The following AGBL4 variants were observed in gnomAD, a reference collection of about 807,000 sequenced individuals.
The protein encoded by AGBL4 is AGBL carboxypeptidase 4, also known as cytosolic carboxypeptidase 6.
In AGBL4, 58 loss-of-function variants were observed where a neutral mutation model predicts 66.4. The observed-to-expected ratio is 0.87, with a 90% CI of 0.71 to 1.09. The LOEUF (loss-of-function observed/expected upper bound fraction) is 1.09, where lower values mean the gene tolerates loss of function less well. Among genes scored for constraint, AGBL4 ranks in the 50% least tolerant of loss-of-function variants. The pLI is 0.00. For synonymous variants in AGBL4, 234 were observed against 222.9 expected (o/e 1.05, Z -0.44); for missense variants, 579 against 631.0 (o/e 0.92, Z 0.88).
chr1:49,645,088 A>G (rs1389321432), intron 3 of AGBL4, among the ~76,000 whole-genome samples: 2 of 151,590 alleles, frequency 1.3e-5, no homozygotes, highest in East Asian at 3.9e-4. Context: ...AACAGAAATA[A>G]AAAATAGAGA....
intron 3 of AGBL4, among the ~76,000 whole-genome samples, chr1:49,583,470 T>C (rs1294349121): frequency 6.6e-6 from 1 of 152,154 alleles, no homozygotes; most frequent in African/African-American, 2.4e-5. Context: ...AGGAGGGGTG[T>C]CATCAAAATT....
At chr1:48,979,516 A>C (rs1219443938) in intron 5 of AGBL4, among the ~76,000 whole-genome samples, 3 of 152,180 alleles carry the variant, frequency 2.0e-5, no homozygotes, top group African/African-American at 7.2e-5. Flanking sequence ...GTGATAAGCG[A>C]TAAGGTATAA....
At chr1:48,711,873 G>A (rs320056) in intron 6 of AGBL4, among the ~76,000 whole-genome samples, 139,756 of 152,160 alleles carry the variant, frequency 0.92, 65,250 homozygotes, top group Non-Finnish European at 1. Context: ...AATCCTCCAC[G>A]CTGAAGCCAG....
chr1:48,614,523 G>A (rs1046298663), intron 9 of AGBL4, among the ~76,000 whole-genome samples: 4 of 152,222 alleles, frequency 2.6e-5, no homozygotes, highest in African/African-American at 9.6e-5. Flanking sequence ...AGAATCAAAT[G>A]AGGATAATCT....
intron 11 of AGBL4, among the ~76,000 whole-genome samples, chr1:48,572,698 C>T (rs1225043834): frequency 6.6e-6 from 1 of 152,052 alleles, no homozygotes; most frequent in African/African-American, 2.4e-5. Context: ...AGGGGGGGTG[C>T]GTCTCCTGTC....
At chr1:48,591,546 T>A (rs1644919246) in intron 9 of AGBL4, among the ~76,000 whole-genome samples, 1 of 152,162 alleles carries the variant, frequency 6.6e-6, no homozygotes, top group African/African-American at 2.4e-5. Context: ...GAGCATTATA[T>A]CGGGAATCAA....
At chr1:50,016,219 A>G (rs1661968950) in intron 1 of AGBL4, among the ~76,000 whole-genome samples, 1 of 152,228 alleles carries the variant, frequency 6.6e-6, no homozygotes, top group South Asian at 2.1e-4. Context: ...AACTTTTGCA[A>G]ACTATGCATT....
At chr1:49,008,304 A>T (rs1170978166) in intron 5 of AGBL4, among the ~76,000 whole-genome samples, 1 of 152,090 alleles carries the variant, frequency 6.6e-6, no homozygotes, top group Middle Eastern at 3.2e-3. Flanking sequence ...TGGTAAAGGG[A>T]TCAATTCAAC....
intron 5 of AGBL4, among the ~76,000 whole-genome samples, chr1:48,885,989 C>T (rs750435504): frequency 6.6e-6 from 1 of 152,214 alleles, no homozygotes; most frequent in Non-Finnish European, 1.5e-5. Context: ...GCAGAAGCCT[C>T]TGCCAGGACC....
intron 8 of AGBL4, among the ~76,000 whole-genome samples, chr1:48,650,481 C>CCTTCCTTCCTTCCTTCCTTT (rs1645911216): frequency 6.7e-6 from 1 of 148,354 alleles, no homozygotes; most frequent in African/African-American, 2.5e-5. Flanking sequence ...TTCCTTCCTT[C>CCTTCCTTCCTTCCTTCCTTT]TTTACTTCCT....
chr1:48,817,827 G>A (rs1454962719), intron 6 of AGBL4: 2 of 573,946 alleles, frequency 3.5e-6, no homozygotes, highest in Non-Finnish European at 6.2e-6. Context: ...CAGCACCTAG[G>A]ACTAACCTCA....
chr1:49,393,730 G>A (rs578078659), intron 3 of AGBL4, among the ~76,000 whole-genome samples: 25 of 152,242 alleles, frequency 1.6e-4, no homozygotes, highest in African/African-American at 5.8e-4. Context: ...GAATTAAGAG[G>A]GAAATGTTCA....
intron 3 of AGBL4, among the ~76,000 whole-genome samples, chr1:49,289,889 A>G (rs1230139513): frequency 6.6e-6 from 1 of 152,138 alleles, no homozygotes; most frequent in African/African-American, 2.4e-5. Context: ...ACAAAATGGA[A>G]AAAACTCAAC....
At chr1:49,758,049 T>C (rs3903686) in intron 2 of AGBL4, among the ~76,000 whole-genome samples, 78,793 of 151,988 alleles carry the variant, frequency 0.52, 21,739 homozygotes, top group Non-Finnish European at 0.62. Context: ...CCTCAGGACA[T>C]GGTGCCCTGC....
intron 2 of AGBL4, among the ~76,000 whole-genome samples, chr1:49,758,516 C>G (rs1652064956): frequency 6.6e-6 from 1 of 152,126 alleles, no homozygotes; most frequent in African/African-American, 2.4e-5. Flanking sequence ...GAGGCCACCT[C>G]TTGCAACAGC....
At chr1:48,692,391 G>C (rs1646646703) in intron 6 of AGBL4, among the ~76,000 whole-genome samples, 1 of 152,196 alleles carries the variant, frequency 6.6e-6, no homozygotes, top group Non-Finnish European at 1.5e-5. Flanking sequence ...CTCCCACTTG[G>C]ACCTGCAGGT....
At chr1:49,263,945 C>T (rs1457933044) in intron 3 of AGBL4, among the ~76,000 whole-genome samples, 5 of 152,086 alleles carry the variant, frequency 3.3e-5, no homozygotes, top group Non-Finnish European at 5.9e-5. Flanking sequence ...TACTTTTGAG[C>T]ATTTAAAATG....
At chr1:49,740,796 G>A (rs776285637) in intron 2 of AGBL4, among the ~76,000 whole-genome samples, 29 of 152,166 alleles carry the variant, frequency 1.9e-4, no homozygotes, top group Admixed American at 2.6e-4. Flanking sequence ...GCTCCTGAAC[G>A]ACTACTGGGT....
rs779529150 is a variant in AGBL4, at chr1:48,728,010, A to C, written c.635-64769T>G. The C allele has an allele frequency of 4.3e-6, 7 of 1,612,120 alleles. No individual in the cohort carries two copies. In the African/African-American group the frequency reaches 6.7e-5, roughly 15 times the overall value. On this transcript the variant is annotated intron_variant, in intron 6 of 13. Transcript: ENST00000371839. ...TCTCTGTGCAATTTCAGTTTCATCC[A>C]CAGTTTCTTGTGCTATTCTGTCATA...
Sources: gnomAD v4.1 joint callset for allele counts (sites outside exome capture counted in the v4.1 genomes callset) on GRCh38, gnomAD v4.1.1 for gene constraint, MANE v1.5 for transcripts, NCBI Gene and HGNC (gene_info 2026-07-23, HGNC 2026-07-21) for gene names.